BICRA: variants seen among roughly 807,000 people sequenced by gnomAD.
The protein encoded by BICRA is BRD4 interacting chromatin remodeling complex associated protein, also known as BRD4-interacting chromatin-remodeling complex-associated protein.
Under a neutral mutation model 96.9 loss-of-function variants are expected in BICRA, and 31 were observed. The ratio of observed to expected loss-of-function variants is 0.32; its 90% CI spans 0.24 to 0.43. The LOEUF is 0.43. Among genes scored for constraint, BICRA ranks in the 20% least tolerant of loss-of-function variants. The pLI is 1.00. For synonymous variants in BICRA, 1,350 were observed against 1,071.8 expected, an observed-to-expected ratio of 1.26 and a Z score of -5.07; for missense variants, 2,283 against 2,190.3, an observed-to-expected ratio of 1.04 and a Z score of -0.84.
chr19:47,619,474 G>A (rs1972033621), intron 1 of BICRA, among the ~76,000 whole-genome samples: 1 of 152,078 alleles, frequency 6.6e-6, no homozygotes, highest in African/African-American at 2.4e-5. Context: ...GGCCAGGCTG[G>A]TCTCGAACTC....
At chr19:47,683,264 C>CT (rs907069776) in intron 7 of BICRA, among the ~76,000 whole-genome samples, 15 of 152,156 alleles carry the variant, frequency 9.9e-5, no homozygotes, top group African/African-American at 3.1e-4. Flanking sequence ...GTGGTTGTGC[C>CT]TTTTTTCCCC....
At chr19:47,679,259 T>C in intron 5 of BICRA, 62 bp from the exon 6 acceptor site, 1 of 1,235,328 alleles carries the variant, frequency 8.1e-7, no homozygotes, top group Non-Finnish European at 1.1e-6. Flanking sequence ...GCGGCAGCTG[T>C]GGCCTAAGCG....
Position 47,699,283 on chromosome 19 carries a change from C to G in BICRA, c.3493-20C>G. ...CCTTCTTGCTGGTTCACTCGCACGT[C>G]GTCTTTTCCCCCACCCCAGAGGGTG... On this transcript the variant is annotated intron_variant, in intron 13 of 14. Transcript: ENST00000594866. This position sits in a 1 kb window ranked among gnomAD's most constrained non-coding sequence, Gnocchi z 5.0. The G allele has an allele frequency of 7.0e-7, 1 of 1,420,378 alleles. No homozygotes were observed. The highest frequency in any genetic ancestry group is 9.7e-7 in the Non-Finnish European group (1 of 1,026,282). The allele number at this position is 1,420,378 out of a possible 1,614,324, so 88.0% of individuals were successfully genotyped here.
At chr19:47,664,553 G>A (rs189616160) in intron 1 of BICRA, among the ~76,000 whole-genome samples, 3 of 152,290 alleles carry the variant, frequency 2.0e-5, no homozygotes, top group Admixed American at 6.5e-5. Flanking sequence ...CCTGTAAGAT[G>A]TGCATCAGCA....
chr19:47,657,348 C>A (rs1437955227), intron 1 of BICRA, among the ~76,000 whole-genome samples: 2 of 151,918 alleles, frequency 1.3e-5, no homozygotes, highest in Admixed American at 6.6e-5. Flanking sequence ...CTGTTGATGG[C>A]TTTCTGTGCC....
Position 47,680,082 on chromosome 19 carries a change from C to T in BICRA, c.912C>T (p.Asn304=), listed in dbSNP as rs770582629. Residue 304 remains asparagine, a synonymous_variant, in exon 6 of 15, where the codon AAC becomes AAT. Coordinates refer to ENST00000594866, the MANE Select transcript of BICRA (RefSeq NM_001394372.1). ...SAAVATTLNG[N]SVFGGAGAAS... Reference sequence around the variant, plus strand: ...CTGTGGCCACCACGCTCAATGGGAACTCTGTGTTCGGAGGCGCGGGGGCCG... The same window carrying T: ...CTGTGGCCACCACGCTCAATGGGAATTCTGTGTTCGGAGGCGCGGGGGCCG... 3 of 1,563,066 alleles carry T rather than the reference C, an allele frequency of 1.9e-6. No homozygotes were observed. Among genetic ancestry groups the T allele is most frequent in the Non-Finnish European group, 2.6e-6 (3 of 1,164,998 alleles).
intron 5 of BICRA, among the ~76,000 whole-genome samples, chr19:47,677,129 C>T (rs1167280094): frequency 1.3e-5 from 2 of 152,178 alleles, no homozygotes; most frequent in South Asian, 2.1e-4. Context: ...ATGGGACTGT[C>T]ACCAACAACA....
chr19:47,694,633 ACCC>A lies in BICRA; in HGVS notation c.2808_2810del (p.Pro940del). ...TCCACCTGGTCCCTGAGCCGGCAGC[ACCC>A]CCCCCACCGCCTCCTCGGACCTTCC... On this transcript the variant is annotated inframe_deletion, in exon 8 of 15. Coordinates refer to ENST00000594866, the MANE Select transcript of BICRA (RefSeq NM_001394372.1). The A allele has an allele frequency of 6.1e-6, 8 of 1,301,352 alleles. No individual in the cohort carries two copies. Among genetic ancestry groups the A allele is most frequent in the Non-Finnish European group, 8.3e-6 (8 of 967,806 alleles). The allele number at this position is 1,301,352 out of a possible 1,614,324, so 80.6% of individuals were successfully genotyped here.
At chr19:47,683,638 G>T (rs1973099906) in intron 7 of BICRA, among the ~76,000 whole-genome samples, 1 of 150,708 alleles carries the variant, frequency 6.6e-6, no homozygotes, top group African/African-American at 2.4e-5. Flanking sequence ...AGGCTGGAGT[G>T]CGGTGTCGCG....
chr19:47,616,819 C>T (rs62128738), intron 1 of BICRA, among the ~76,000 whole-genome samples: 130,424 of 151,344 alleles, frequency 0.86, 56,314 homozygotes, highest in Admixed American at 0.89. Context: ...TTCTTATTAT[C>T]TTTTATTTTT....
At chr19:47,677,197 C>T (rs1323452280) in intron 5 of BICRA, among the ~76,000 whole-genome samples, 4 of 152,172 alleles carry the variant, frequency 2.6e-5, no homozygotes, top group Admixed American at 2.6e-4. Flanking sequence ...GAGCACCTGC[C>T]AGGGGCCGGG....
intron 1 of BICRA, among the ~76,000 whole-genome samples, chr19:47,619,669 G>C (rs571270375): frequency 6.6e-6 from 1 of 152,144 alleles, no homozygotes; most frequent in South Asian, 2.1e-4. Context: ...AGGGCGAGGT[G>C]GGAGGATCAC....
chr19:47,696,026 C>T (rs186093814), intron 10 of BICRA, among the ~76,000 whole-genome samples: 91 of 152,076 alleles, frequency 6.0e-4, no homozygotes, highest in East Asian at 5.8e-4. Flanking sequence ...GAAGGCCAGA[C>T]GCTGAGGACA....
chr19:47,675,817 C>G lies in BICRA; in HGVS notation c.85-34C>G. ...CCAGAGCATGGGCCTGCCCTGCTGACTTTTGACCTTGGATGGGGCGGGTCT... is the reference window on the plus strand; with the variant it reads ...CCAGAGCATGGGCCTGCCCTGCTGAGTTTTGACCTTGGATGGGGCGGGTCT... On this transcript the variant is annotated intron_variant, in intron 4 of 14. Transcript: ENST00000594866. The surrounding 1 kb of genome is among the most constrained non-coding windows in gnomAD (Gnocchi z 4.7). The G allele has an allele frequency of 6.3e-7, 1 of 1,581,036 alleles. No individual in the cohort carries two copies. The highest frequency in any genetic ancestry group is 8.7e-7 in the Non-Finnish European group (1 of 1,155,320).
At chr19:47,634,787 G>A (rs1490189324) in intron 1 of BICRA, among the ~76,000 whole-genome samples, 3 of 129,508 alleles carry the variant, frequency 2.3e-5, no homozygotes, top group Non-Finnish European at 4.7e-5. Flanking sequence ...TTTGGAGACA[G>A]AGTCTCGCTC....
chr19:47,634,504 C>T (rs932548680), intron 1 of BICRA, among the ~76,000 whole-genome samples: 15 of 152,164 alleles, frequency 9.9e-5, no homozygotes, highest in Non-Finnish European at 2.2e-4. Flanking sequence ...GGCACGCTGT[C>T]TGCAGCCTGT....
chr19:47,700,508 C>T (rs577239890), intron 14 of BICRA: 1 of 152,272 alleles, frequency 6.6e-6, no homozygotes, highest in Non-Finnish European at 1.5e-5. Flanking sequence ...TAAATAACCT[C>T]ATGTAGCCGG....
intron 1 of BICRA, among the ~76,000 whole-genome samples, chr19:47,652,420 C>G (rs1449805848): frequency 6.6e-6 from 1 of 152,112 alleles, no homozygotes; most frequent in African/African-American, 2.4e-5. Flanking sequence ...AACTCCTGGG[C>G]CCAAGTGATC....
At chr19:47,639,570 C>T (rs921263196) in intron 1 of BICRA, among the ~76,000 whole-genome samples, 2 of 150,672 alleles carry the variant, frequency 1.3e-5, no homozygotes, top group East Asian at 1.9e-4. Context: ...ACCTCGTGAT[C>T]GCCCGTCTTG....
Sources: allele counts gnomAD v4.1 joint callset (sites outside exome capture counted in the v4.1 genomes callset), GRCh38; gene constraint gnomAD v4.1.1; non-coding constraint Gnocchi (gnomAD v3.1); transcripts MANE v1.5; gene names NCBI Gene and HGNC (gene_info 2026-07-23, HGNC 2026-07-21).